SLC52A2: variants seen among roughly 807,000 people sequenced by gnomAD.
SLC52A2 encodes the protein solute carrier family 52, riboflavin transporter, member 2.
In SLC52A2, 16 loss-of-function variants were observed where a neutral mutation model predicts 24.8. The observed-to-expected ratio is 0.64, with a 90% CI of 0.44 to 0.98. The LOEUF is 0.98. SLC52A2 is among the 50% of genes least tolerant of loss of function. The pLI is 0.00. For missense variants in SLC52A2, 612 were observed against 575.9 expected (o/e 1.06, Z -0.64); for synonymous variants, 335 against 276.3 (o/e 1.21, Z -2.11).
rs781911494 is a variant in SLC52A2 at position 144,359,316 on chromosome 8, G to C, written c.23G>C (p.Arg8Pro). 1 of 1,613,634 alleles carries C rather than the reference G, an allele frequency of 6.2e-7. No individual in the cohort carries two copies. The highest frequency in any genetic ancestry group is 1.7e-5 in the Admixed American group (1 of 60,008). Residue 8 changes from arginine (R) to proline (P), a missense_variant, in exon 2 of 5, where the codon CGT (arginine) becomes CCT (proline). Coordinates refer to ENST00000643944, the MANE Select transcript of SLC52A2 (RefSeq NM_001363118.2). ...TGAATGGCAGCACCCACGCCCGCCC[G>C]TCCGGTGCTGACCCACCTGCTGGTG... MAAPTPA[R>P]PVLTHLLVAL...
At chr8:144,359,160 A>T in intron 1 of SLC52A2, 24 bp from the exon 2 acceptor site, 1 of 1,369,292 alleles carries the variant, frequency 7.3e-7, no homozygotes, top group Non-Finnish European at 9.8e-7. Flanking sequence ...TCTGCATCCT[A>T]TCTGTTTCTC....
intron 4 of SLC52A2, 27 bp downstream of exon 4, chr8:144,360,740 G>T (rs1554854522): frequency 6.2e-7 from 1 of 1,602,702 alleles, no homozygotes; most frequent in South Asian, 1.1e-5. Flanking sequence ...ATGAAGTGGG[G>T]TGGGGGGGCG....
chr8:144,359,279 C>G lies in SLC52A2; in HGVS notation c.-15C>G, dbSNP rs782387841. 1.4e-5 allele frequency: 23 copies of G among 1,605,626 alleles called. No individual in the cohort carries two copies. The highest frequency in any genetic ancestry group is 2.0e-5 in the Non-Finnish European group (23 of 1,175,794). On this transcript the variant is annotated 5_prime_UTR_variant, in exon 2 of 5. Transcript: ENST00000643944. ...GACCTTTGCCCTGACCTGGAAGGGCCCAGCCTTGGGCTGAATGGCAGCACC... is the reference window on the plus strand; with the variant it reads ...GACCTTTGCCCTGACCTGGAAGGGCGCAGCCTTGGGCTGAATGGCAGCACC...
Position 144,361,250 on chromosome 8 carries a change from C to A in SLC52A2, c.*235C>A. ...GAGCCTGGGACCTACATGTGGTTTG[C>A]GTAATAAAACATTTGTATTTAATGA... On this transcript the variant is annotated 3_prime_UTR_variant, in exon 5 of 5. Transcript: ENST00000643944. The A allele has an allele frequency of 1.9e-6, 1 of 538,640 alleles. No homozygotes were observed. Among genetic ancestry groups the A allele is most frequent in the South Asian group, 2.6e-5 (1 of 37,856 alleles). 33.4% of individuals were successfully genotyped at this position (538,640 alleles called of 1,614,324 possible). A position where few individuals can be genotyped will look rare whatever the true frequency, so the allele number is the denominator to read the frequency against.
chr8:144,360,934 C>G lies in SLC52A2; in HGVS notation c.1257C>G (p.Gly419=). ...CCATCCAGGTGGGCTCTCTGCTCGG[C>G]GCTGTTGCTATGTTCCCCCCGACCA... ...GVAIQVGSLL[G]AVAMFPPTSI... is the part of the protein sequence containing the mutation. The change falls in exon 5 of 5, where the codon GGC becomes GGG. Residue 419 remains glycine (G), a synonymous_variant. Coordinates refer to ENST00000643944, the MANE Select transcript of SLC52A2 (RefSeq NM_001363118.2). 1 of 1,613,438 alleles carries G rather than the reference C, an allele frequency of 6.2e-7. No individual in the cohort carries two copies. Among genetic ancestry groups the G allele is most frequent in the South Asian group, 1.1e-5 (1 of 91,082 alleles).
At position 144,360,449 on chromosome 8, in the gene SLC52A2, T is replaced by C. The variant is rs782766655; in HGVS notation, c.957T>C (p.Ala319=). 1.9e-6 allele frequency: 3 copies of C among 1,605,090 alleles called. No homozygotes were observed. Among genetic ancestry groups the C allele is most frequent in the South Asian group, 1.1e-5 (1 of 91,070 alleles). The part of the protein sequence containing the change: ...AYHLAVVLGS[A]ANPLACFLAM... ...ACCTGGCTGTGGTGCTGGGCAGTGC[T>C]GCCAATCCCCTGGCCTGCTTCCTGG... Residue 319 remains alanine (A), a synonymous_variant, in exon 3 of 5, where the codon GCT becomes GCC. Coordinates refer to ENST00000643944, the MANE Select transcript of SLC52A2 (RefSeq NM_001363118.2).
Position 144,359,408 on chromosome 8 carries a change from A to G in SLC52A2, c.115A>G (p.Lys39Glu). 6.2e-7 allele frequency: 1 copy of G among 1,613,748 alleles called. No homozygotes were observed. The highest frequency in any genetic ancestry group is 1.1e-5 in the South Asian group (1 of 91,060). Residue 39 changes from lysine to glutamate, a missense_variant, in exon 2 of 5, where the codon AAA (lysine) becomes GAA (glutamate). Transcript: ENST00000643944. ...GIWVELPVVV[K>E]ELPEGWSLPS... ...CTGGGTGGAGCTACCTGTGGTGGTC[A>G]AAGAGCTTCCAGAGGGTGAGTGGGA... is the stretch of plus-strand genomic sequence containing the variant.
At chr8:144,359,560 G>C (rs1818683498) in intron 2 of SLC52A2, 63 bp from the exon 3 acceptor site, 1 of 1,603,086 alleles carries the variant, frequency 6.2e-7, no homozygotes, top group Non-Finnish European at 8.5e-7. Flanking sequence ...AGGAAGGTGG[G>C]CTTTGGCACT....
Position 144,360,312 on chromosome 8 carries a change from G to C in SLC52A2, c.820G>C (p.Ala274Pro), listed in dbSNP as rs1818778430. Residue 274 changes from alanine (A) to proline (P), a missense_variant, in exon 3 of 5, where the codon GCC becomes CCC. Ala to Pro is a conservative substitution (Grantham distance 27, BLOSUM62 -1). Transcript: ENST00000643944. ...PDPKAYQLLSARSACLLGLLA... is the reference protein window; with the variant it reads ...PDPKAYQLLSPRSACLLGLLA... ...CCCTAAGGCCTATCAGCTTCTATCA[G>C]CCCGCAGTGCCTGCCTGCTGGGCCT... 6.2e-7 allele frequency: 1 copy of C among 1,610,328 alleles called. No homozygotes were observed.
chr8:144,359,276 G>A lies in SLC52A2; in HGVS notation c.-18G>A. The A allele has an allele frequency of 6.2e-7, 1 of 1,603,938 alleles. No homozygotes were observed. Among genetic ancestry groups the A allele is most frequent in the Non-Finnish European group, 8.5e-7 (1 of 1,174,960 alleles). The stretch of plus-strand genomic sequence containing the variant: ...TGTGACCTTTGCCCTGACCTGGAAG[G>A]GCCCAGCCTTGGGCTGAATGGCAGC... On this transcript the variant is annotated 5_prime_UTR_variant, in exon 2 of 5. Coordinates refer to ENST00000643944, the MANE Select transcript of SLC52A2 (RefSeq NM_001363118.2).
In SLC52A2 at chr8:144,359,021, C is replaced by A. The variant is rs1554853655; in HGVS notation, c.-155C>A. The A allele has an allele frequency of 4.9e-6, 2 of 411,272 alleles. No homozygotes were observed. Among genetic ancestry groups the A allele is most frequent in the African/African-American group, 2.0e-5 (1 of 48,870 alleles). 25.5% of individuals were successfully genotyped at this position (411,272 alleles called of 1,614,324 possible). On this transcript the variant is annotated 5_prime_UTR_variant, in exon 1 of 5. Coordinates refer to ENST00000643944, the MANE Select transcript of SLC52A2 (RefSeq NM_001363118.2). ...GCCTCCTCCCCTGGGGCCGCAGCGA[C>A]TCGGGCCGGCTTCCTGCTTCCCTGC... is the stretch of plus-strand genomic sequence containing the variant.
rs782297665 is a variant in SLC52A2, at chr8:144,360,691, C to A, written c.1103C>A (p.Thr368Asn). 3 of 1,604,116 alleles carry A rather than the reference C, an allele frequency of 1.9e-6. No individual in the cohort carries two copies. The highest frequency in any genetic ancestry group is 1.7e-5 in the Admixed American group (1 of 59,852). ...VLSPCPPLVGTSAGVVLVVLS... is the reference protein window; with the variant it reads ...VLSPCPPLVGNSAGVVLVVLS... ...AGCCCCTGCCCGCCCCTGGTGGGCACCTCGGCGGGGGTGGTCCTCGTGGTG... is the reference window on the plus strand; with the variant it reads ...AGCCCCTGCCCGCCCCTGGTGGGCAACTCGGCGGGGGTGGTCCTCGTGGTG... Residue 368 changes from threonine to asparagine, a missense_variant, in exon 4 of 5, where the codon ACC becomes AAC. By Grantham distance (65) the Thr-to-Asn change is moderately conservative (BLOSUM62 0). Transcript: ENST00000643944.
chr8:144,360,462 G>T lies in SLC52A2; in HGVS notation c.970G>T (p.Ala324Ser). The stretch of plus-strand genomic sequence containing the variant: ...GCTGGGCAGTGCTGCCAATCCCCTG[G>T]CCTGCTTCCTGGCCATGGGTGTGCT... The part of the protein sequence containing the change: ...VVLGSAANPL[A>S]CFLAMGVLCR... Residue 324 changes from alanine (A) to serine (S), a missense_variant, in exon 3 of 5, where the codon GCC becomes TCC. By Grantham distance (99) the Ala-to-Ser change is moderately conservative. Coordinates refer to ENST00000643944, the MANE Select transcript of SLC52A2 (RefSeq NM_001363118.2). 6.2e-7 allele frequency: 1 copy of T among 1,603,548 alleles called. No homozygotes were observed. The highest frequency in any genetic ancestry group is 8.5e-7 in the Non-Finnish European group (1 of 1,179,408).
Position 144,360,391 on chromosome 8 carries a change from T to C in SLC52A2, c.899T>C (p.Phe300Ser), listed in dbSNP as rs1554854282. ...GGCGTGCTGCCTGCCGTGCAGAGCT[T>C]TTCCTGCTTACCCTACGGGCGTCTG... ...TNGVLPAVQS[F>S]SCLPYGRLAY... Residue 300 changes from phenylalanine (F) to serine (S), a missense_variant, in exon 3 of 5, where the codon TTT becomes TCT. Coordinates refer to ENST00000643944, the MANE Select transcript of SLC52A2 (RefSeq NM_001363118.2). The C allele has an allele frequency of 6.2e-7, 1 of 1,608,160 alleles. No homozygotes were observed. Among genetic ancestry groups the C allele is most frequent in the Non-Finnish European group, 8.5e-7 (1 of 1,179,996 alleles).
rs782157440 is a variant in SLC52A2, at chr8:144,359,926, G to A, written c.434G>A (p.Arg145Gln). The A allele has an allele frequency of 1.1e-5, 18 of 1,613,482 alleles. No homozygotes were observed. In the South Asian group the frequency reaches 1.6e-4, roughly 15 times the overall value. ...AGCCACCTGCCACCTCGCTTCTTAC[G>A]GTCATTCTTCCTGGGTCAAGGCCTG... The part of the protein sequence containing the change: ...FLSHLPPRFL[R>Q]SFFLGQGLSA... The change falls in exon 3 of 5, where the codon CGG becomes CAG. Residue 145 changes from arginine (R) to glutamine (Q), a missense_variant. Arg to Gln is a conservative substitution (Grantham distance 43, BLOSUM62 1). Transcript: ENST00000643944.
At chr8:144,358,581 A>T, upstream of SLC52A2, 6 of 1,140,832 alleles carry the variant, frequency 5.3e-6, no homozygotes, top group Non-Finnish European at 6.6e-6. Flanking sequence ...GTCGTGGGCC[A>T]TGCCGGGGGC....
In SLC52A2 at chr8:144,359,354, A is replaced by G; in HGVS notation, c.61A>G (p.Met21Val). The part of the protein sequence containing the change: ...LTHLLVALFG[M>V]GSWAAVNGIW... ...CCACCTGCTGGTGGCTCTCTTCGGCATGGGCTCCTGGGCTGCGGTCAATGG... is the reference window on the plus strand; with the variant it reads ...CCACCTGCTGGTGGCTCTCTTCGGCGTGGGCTCCTGGGCTGCGGTCAATGG... The change falls in exon 2 of 5, where the codon ATG becomes GTG. Residue 21 changes from methionine (M) to valine (V), a missense_variant. Met to Val is a conservative substitution (Grantham distance 21, BLOSUM62 1). Coordinates refer to ENST00000643944, the MANE Select transcript of SLC52A2 (RefSeq NM_001363118.2). 1.2e-6 allele frequency: 2 copies of G among 1,614,008 alleles called. No homozygotes were observed. Among genetic ancestry groups the G allele is most frequent in the Non-Finnish European group, 1.7e-6 (2 of 1,179,984 alleles).
rs372376214 is a variant in SLC52A2 at position 144,360,373 on chromosome 8, T to C, written c.881T>C (p.Leu294Pro). Residue 294 changes from leucine to proline, a missense_variant, in exon 3 of 5, where the codon CTG (leucine) becomes CCG (proline). Physicochemically the swap from Leu to Pro is moderately conservative, Grantham distance 98. Coordinates refer to ENST00000643944, the MANE Select transcript of SLC52A2 (RefSeq NM_001363118.2). ...ACCAACGCGCTGACCAATGGCGTGCTGCCTGCCGTGCAGAGCTTTTCCTGC... is the reference window on the plus strand; with the variant it reads ...ACCAACGCGCTGACCAATGGCGTGCCGCCTGCCGTGCAGAGCTTTTCCTGC... ...AATNALTNGV[L>P]PAVQSFSCLP... 3.1e-6 allele frequency: 5 copies of C among 1,608,128 alleles called. No individual in the cohort carries two copies. The highest frequency in any genetic ancestry group is 4.2e-6 in the Non-Finnish European group (5 of 1,180,002).
At chr8:144,359,542 G>A (rs1054477800) in intron 2 of SLC52A2, 81 bp from the exon 3 acceptor site, 2 of 1,607,210 alleles carry the variant, frequency 1.2e-6, no homozygotes, top group Middle Eastern at 1.7e-4. Context: ...GGAGGTGCAG[G>A]TGTGCCCAGG....
Sources: gnomAD v4.1 joint callset for allele counts on GRCh38, gnomAD v4.1.1 for gene constraint, MANE v1.5 for transcripts, NCBI Gene and HGNC (gene_info 2026-07-23, HGNC 2026-07-21) for gene names.